The following EPHA6 variants were observed in gnomAD, a reference collection of about 807,000 sequenced individuals.
The protein encoded by EPHA6 is EPH receptor A6, also known as ephrin type-A receptor 6.
EPHA6 carries 50 observed loss-of-function variants against 112.0 expected under a neutral mutation model. The observed-to-expected ratio is 0.45, with a 90% CI of 0.36 to 0.56. The LOEUF is 0.56. EPHA6 is among the 20% of genes least tolerant of loss of function. EPHA6 has a pLI of 0.00. For synonymous variants in EPHA6, 529 were observed against 490.7 expected (o/e 1.08, Z -1.03); for missense variants, 1,280 against 1,417.4 (o/e 0.90, Z 1.56).
chr3:97,275,827 A>G (rs2080056521), intron 5 of EPHA6, among the ~76,000 whole-genome samples: 2 of 151,876 alleles, frequency 1.3e-5, no homozygotes, highest in Admixed American at 1.3e-4. Flanking sequence ...CTGGTGGGTT[A>G]AGGTGGGGGG....
rs371209118 is a variant in EPHA6, at chr3:96,986,734, T to C, written c.451-596T>C. On this transcript the variant is annotated intron_variant, in intron 2 of 17. Coordinates refer to ENST00000389672, the MANE Select transcript of EPHA6 (RefSeq NM_001080448.3). ...AGTTTTTGTTCAGCTTGTTAACTGC[T>C]GTATTTCCAGTGTCCAGGGTATGGG... Among the ~76,000 whole-genome samples, 13 of 152,354 alleles carry C rather than the reference T, an allele frequency of 8.5e-5. 2 individuals are homozygous for C. Among genetic ancestry groups the C allele is most frequent in the African/African-American group, 2.9e-4 (12 of 41,586 alleles).
intron 2 of EPHA6, among the ~76,000 whole-genome samples, chr3:96,872,493 C>G (rs2036686388): frequency 1.3e-5 from 2 of 152,066 alleles, no homozygotes; most frequent in Non-Finnish European, 2.9e-5. Context: ...TGTTTTTTAA[C>G]ATTTCTTGTT....
At chr3:97,648,629 G>C (rs1310185215) in intron 14 of EPHA6, 4 of 1,114,438 alleles carry the variant, frequency 3.6e-6, no homozygotes, top group Non-Finnish European at 4.4e-6. Context: ...TTCGTCTGGA[G>C]ATCATGCTTA....
chr3:96,970,558 G>A (rs2042279617), intron 2 of EPHA6, among the ~76,000 whole-genome samples: 1 of 151,984 alleles, frequency 6.6e-6, no homozygotes. Flanking sequence ...ATTAGTGGAA[G>A]CATTCACAGT....
intron 3 of EPHA6, among the ~76,000 whole-genome samples, chr3:97,145,950 C>G (rs1202421707): frequency 2.0e-5 from 3 of 151,284 alleles, no homozygotes; most frequent in Non-Finnish European, 1.5e-5. Flanking sequence ...ATAGAGTATT[C>G]TTAATATTTT....
At position 97,431,881 on chromosome 3, in the gene EPHA6, G is replaced by C. The variant is rs145975914; in HGVS notation, c.1732-16687G>C. Among the ~76,000 whole-genome samples, 215 of 152,196 alleles carry C rather than the reference G, an allele frequency of 1.4e-3. 1 individual carries two copies. Among genetic ancestry groups the C allele is most frequent in the East Asian group, 0.011 (59 of 5,176 alleles). On this transcript the variant is annotated intron_variant, in intron 6 of 17. Transcript: ENST00000389672. ...GGCAAACAGATAGCGGTACCTGCCA[G>C]ATGTATAGTCCTTCTAAGCTCCTAA...
At chr3:97,640,772 C>T (rs921931101) in intron 14 of EPHA6, among the ~76,000 whole-genome samples, 18 of 151,266 alleles carry the variant, frequency 1.2e-4, no homozygotes, top group Non-Finnish European at 2.9e-5. Context: ...AAGAGTGAAA[C>T]TCCATTTCAA....
chr3:97,427,367 G>C (rs2089211555), intron 6 of EPHA6, among the ~76,000 whole-genome samples: 1 of 151,906 alleles, frequency 6.6e-6, no homozygotes. Flanking sequence ...CCATAAAAAA[G>C]AATGAGATCA....
chr3:97,485,490 C>G (rs780929419), intron 10 of EPHA6, among the ~76,000 whole-genome samples: 9 of 152,058 alleles, frequency 5.9e-5, no homozygotes, highest in Admixed American at 5.2e-4. Flanking sequence ...AGAGTTCTTC[C>G]TGATTTCACT....
chr3:97,449,466 A>G (rs1437571431), intron 7 of EPHA6, among the ~76,000 whole-genome samples: 1 of 152,102 alleles, frequency 6.6e-6, no homozygotes, highest in Non-Finnish European at 1.5e-5. Context: ...GTATTAATAT[A>G]ATAATTCAAT....
At chr3:97,434,233 A>C (rs1293307935) in intron 6 of EPHA6, among the ~76,000 whole-genome samples, 1 of 152,180 alleles carries the variant, frequency 6.6e-6, no homozygotes, top group Non-Finnish European at 1.5e-5. Context: ...TAGACTTCCT[A>C]GGTTCAAATC....
chr3:97,393,573 C>T (rs778430299), intron 5 of EPHA6, among the ~76,000 whole-genome samples: 25 of 151,796 alleles, frequency 1.6e-4, no homozygotes, highest in Non-Finnish European at 2.9e-4. Flanking sequence ...AATTTTCACT[C>T]TGGCAGATAC....
At chr3:96,942,048 C>T (rs1218927141) in intron 2 of EPHA6, among the ~76,000 whole-genome samples, 1 of 152,194 alleles carries the variant, frequency 6.6e-6, no homozygotes, top group Non-Finnish European at 1.5e-5. Flanking sequence ...CCCAGTCAGG[C>T]TGCTCGGGGG....
intron 3 of EPHA6, among the ~76,000 whole-genome samples, chr3:97,088,962 C>T (rs563719267): frequency 8.5e-5 from 13 of 152,226 alleles, no homozygotes; most frequent in African/African-American, 3.1e-4. Flanking sequence ...GGGCAGCATT[C>T]AGTATGTTTT....
chr3:96,862,409 T>G (rs1050738220), intron 1 of EPHA6, among the ~76,000 whole-genome samples: 1 of 151,906 alleles, frequency 6.6e-6, no homozygotes, highest in Non-Finnish European at 1.5e-5. Context: ...AGAAACCCCT[T>G]ACTTTTTTTT....
At chr3:97,234,089 T>G (rs1420060410) in intron 4 of EPHA6, among the ~76,000 whole-genome samples, 1 of 152,162 alleles carries the variant, frequency 6.6e-6, no homozygotes, top group East Asian at 1.9e-4. Context: ...TCTTTTTATT[T>G]TATAATCCTA....
At chr3:97,213,201 G>A (rs1319191451) in intron 3 of EPHA6, among the ~76,000 whole-genome samples, 1 of 152,158 alleles carries the variant, frequency 6.6e-6, no homozygotes, top group Admixed American at 6.6e-5. Context: ...CCCTTGGCAA[G>A]AAGGCTGAGG....
At chr3:96,981,437 C>T (rs2042771809) in intron 2 of EPHA6, among the ~76,000 whole-genome samples, 1 of 152,040 alleles carries the variant, frequency 6.6e-6, no homozygotes, top group Non-Finnish European at 1.5e-5. Context: ...TGATGTGCTG[C>T]TAGATTTGTT....
intron 5 of EPHA6, among the ~76,000 whole-genome samples, chr3:97,333,473 T>TTTTC (rs2082904283): frequency 7.2e-6 from 1 of 138,536 alleles, no homozygotes; most frequent in African/African-American, 2.8e-5. Flanking sequence ...CTTTTCTTTT[T>TTTTC]TTTTTTTTTT....
Sources: allele counts gnomAD v4.1 joint callset (sites outside exome capture counted in the v4.1 genomes callset), GRCh38; gene constraint gnomAD v4.1.1; transcripts MANE v1.5; gene names NCBI Gene and HGNC (gene_info 2026-07-23, HGNC 2026-07-21).